The following PDE4D variants were observed in gnomAD, a reference collection of about 807,000 sequenced individuals.
The protein encoded by PDE4D is 3',5'-cyclic-AMP phosphodiesterase 4D.
A neutral mutation model predicts 87.4 loss-of-function variants in PDE4D; 24 were observed. The observed-to-expected ratio is 0.27, with a 90% confidence interval of 0.20 to 0.39. PDE4D has a LOEUF of 0.39. Among genes scored for constraint, PDE4D ranks in the 10% least tolerant of loss-of-function variants. The pLI is 1.00. For synonymous variants in PDE4D, 384 were observed against 383.2 expected, an observed-to-expected ratio of 1.00 and a Z score of -0.02; for missense variants, 714 against 1,041.0, an observed-to-expected ratio of 0.69 and a Z score of 4.32.
At position 59,745,205 on chromosome 5, in the gene PDE4D, A is replaced by G. The variant is rs562184540; in HGVS notation, c.455+147963T>C. Among the ~76,000 whole-genome samples the G allele has an allele frequency of 3.3e-5, 5 of 152,284 alleles. No individual in the cohort carries two copies. The South Asian group carries it at 1.0e-3, about 32-fold the overall frequency. ...TCTAGCATGCTGAAAGAAAAAGTCT[A>G]GAACAGAAAGGTTCTCTTTTCAGGA... On this transcript the variant is annotated intron_variant, in intron 1 of 14. Transcript: ENST00000340635.
chr5:59,968,816 C>G (rs999876057), intron 3 of PDE4D, among the ~76,000 whole-genome samples: 1 of 151,986 alleles, frequency 6.6e-6, no homozygotes, highest in Non-Finnish European at 1.5e-5. Flanking sequence ...ATAATGGTAC[C>G]TACCGTAGCA....
chr5:60,019,770 C>T (rs986405650), intron 2 of PDE4D, among the ~76,000 whole-genome samples: 1 of 152,190 alleles, frequency 6.6e-6, no homozygotes, highest in Non-Finnish European at 1.5e-5. Flanking sequence ...ACCACTAAAA[C>T]TTTCTCTATA....
At chr5:59,545,932 T>C (rs982898760) in intron 1 of PDE4D, among the ~76,000 whole-genome samples, 6 of 152,180 alleles carry the variant, frequency 3.9e-5, no homozygotes, top group African/African-American at 1.4e-4. Context: ...TGGAGTCAAA[T>C]ACTCACTTGC....
intron 4 of PDE4D, among the ~76,000 whole-genome samples, chr5:59,183,550 A>G (rs1742179827): frequency 6.6e-6 from 1 of 152,170 alleles, no homozygotes; most frequent in South Asian, 2.1e-4. Context: ...AAAGACAAAA[A>G]TCTCAGTTTC....
At chr5:59,327,288 G>T (rs978911396) in intron 1 of PDE4D, among the ~76,000 whole-genome samples, 11 of 151,888 alleles carry the variant, frequency 7.2e-5, no homozygotes, top group African/African-American at 2.4e-4. Flanking sequence ...GTAGCTAAAA[G>T]TGCTTTACTC....
At chr5:59,351,002 G>A (rs1780443148) in intron 1 of PDE4D, among the ~76,000 whole-genome samples, 1 of 152,140 alleles carries the variant, frequency 6.6e-6, no homozygotes, top group South Asian at 2.1e-4. Context: ...CTGTGACCAA[G>A]AGTGGTACCA....
intron 1 of PDE4D, among the ~76,000 whole-genome samples, chr5:59,543,216 C>T (rs1816666045): frequency 6.6e-6 from 1 of 152,176 alleles, no homozygotes; most frequent in African/African-American, 2.4e-5. Context: ...AATTAATCCA[C>T]TTAAATCTGG....
Position 59,530,019 on chromosome 5 carries a change from G to C in PDE4D, c.456-314051C>G, listed in dbSNP as rs188038251. ...CTGGGATCTTACTGCAATGCAGATG[G>C]TTACCCACTAGGTCAGGGTGGGGTC... is the stretch of plus-strand genomic sequence containing the variant. On this transcript the variant is annotated intron_variant, in intron 1 of 14. Transcript: ENST00000340635. Among the ~76,000 whole-genome samples the C allele has an allele frequency of 6.5e-4, 99 of 152,246 alleles. 2 individuals carry two copies. The highest frequency in any genetic ancestry group is 4.9e-3 in the Admixed American group (75 of 15,304).
At chr5:60,117,718 C>G (rs142888037) in intron 2 of PDE4D, among the ~76,000 whole-genome samples, 1 of 151,928 alleles carries the variant, frequency 6.6e-6, no homozygotes, top group African/African-American at 2.4e-5. Context: ...CCTTTTCTCA[C>G]CATACATGAA....
chr5:59,157,109 T>C, intron 5 of PDE4D: 2 of 419,306 alleles, frequency 4.8e-6, no homozygotes, highest in Non-Finnish European at 8.4e-6. Flanking sequence ...AGAAAATGTA[T>C]TGAAAATTAA....
intron 1 of PDE4D, among the ~76,000 whole-genome samples, chr5:60,500,123 T>C (rs1251138050): frequency 1.3e-5 from 2 of 151,876 alleles, no homozygotes; most frequent in Non-Finnish European, 2.9e-5. Context: ...CTAGGCAACA[T>C]AGTGAGACAC....
chr5:59,810,308 T>C (rs1423448832), intron 1 of PDE4D, among the ~76,000 whole-genome samples: 1 of 152,212 alleles, frequency 6.6e-6, no homozygotes, highest in Non-Finnish European at 1.5e-5. Context: ...CGTTCAGCAA[T>C]GTATACAGTT....
chr5:59,746,661 G>C (rs1416463447), intron 1 of PDE4D, among the ~76,000 whole-genome samples: 1 of 151,812 alleles, frequency 6.6e-6, no homozygotes, highest in African/African-American at 2.4e-5. Flanking sequence ...GTGACTCCTA[G>C]CGTTCAGTCT....
At chr5:60,129,406 T>A (rs1042113422) in intron 2 of PDE4D, among the ~76,000 whole-genome samples, 1 of 152,184 alleles carries the variant, frequency 6.6e-6, no homozygotes, top group African/African-American at 2.4e-5. Context: ...TGCATGAAAG[T>A]ATTATTAACA....
intron 2 of PDE4D, among the ~76,000 whole-genome samples, chr5:60,046,222 C>T (rs867857159): frequency 3.0e-4 from 45 of 152,178 alleles, no homozygotes; most frequent in Middle Eastern, 6.8e-3. Context: ...ATTTTGTATC[C>T]TGAGAATTTG....
At chr5:59,272,683 T>G (rs1416989056) in intron 1 of PDE4D, among the ~76,000 whole-genome samples, 2 of 152,102 alleles carry the variant, frequency 1.3e-5, no homozygotes, top group Non-Finnish European at 2.9e-5. Context: ...AAGAGACAAA[T>G]AGATTAATTT....
chr5:59,442,071 G>A (rs900253737), intron 1 of PDE4D, among the ~76,000 whole-genome samples: 1 of 152,102 alleles, frequency 6.6e-6, no homozygotes, highest in Non-Finnish European at 1.5e-5. Flanking sequence ...TGAGTTACCA[G>A]ACAAGTGATA....
intron 1 of PDE4D, among the ~76,000 whole-genome samples, chr5:60,407,334 C>G (rs992010779): frequency 3.3e-5 from 5 of 151,928 alleles, no homozygotes; most frequent in African/African-American, 1.2e-4. Context: ...TAAATGTAAC[C>G]TGGATCCGCG....
chr5:59,663,875 C>A (rs1315873672), intron 1 of PDE4D, among the ~76,000 whole-genome samples: 2 of 152,178 alleles, frequency 1.3e-5, no homozygotes, highest in Non-Finnish European at 2.9e-5. Context: ...ACATAACATT[C>A]AGCTCTACTC....
Sources: allele counts gnomAD v4.1 joint callset (sites outside exome capture counted in the v4.1 genomes callset), GRCh38; gene constraint gnomAD v4.1.1; transcripts MANE v1.5; gene names NCBI Gene and HGNC (gene_info 2026-07-23, HGNC 2026-07-21).